Variants in GRM3 observed in about 807,000 individuals in gnomAD.
GRM3 encodes the protein glutamate metabotropic receptor 3.
A neutral mutation model predicts 70.5 loss-of-function variants in GRM3; 26 were observed. That is an observed-to-expected ratio of 0.37 (90% CI 0.27 to 0.51). The LOEUF (loss-of-function observed/expected upper bound fraction) is 0.51. GRM3 is among the 20% of genes least tolerant of loss of function. The pLI, the probability that GRM3 is intolerant of heterozygous loss-of-function variation, is 0.93. For missense variants in GRM3, 859 were observed against 1,123.8 expected, an observed-to-expected ratio of 0.76 and a Z score of 3.37; for synonymous variants, 443 against 434.9, an observed-to-expected ratio of 1.02 and a Z score of -0.23.
intron 1 of GRM3, among the ~76,000 whole-genome samples, chr7:86,738,154 A>G (rs1188147027): frequency 6.6e-6 from 1 of 152,188 alleles, no homozygotes; most frequent in East Asian, 1.9e-4. Context: ...AGGGATGGAC[A>G]GCAAACAGTG....
chr7:86,814,508 T>C (rs753778038), intron 3 of GRM3, among the ~76,000 whole-genome samples: 40 of 151,780 alleles, frequency 2.6e-4, no homozygotes, highest in Non-Finnish European at 4.9e-4. Context: ...AAAAGACTAC[T>C]AGAGGATGTG....
chr7:86,772,563 G>A (rs914310158), intron 2 of GRM3, among the ~76,000 whole-genome samples: 1 of 152,016 alleles, frequency 6.6e-6, no homozygotes, highest in Non-Finnish European at 1.5e-5. Flanking sequence ...ACTATCCAAG[G>A]CTCAACACAA....
At chr7:86,788,966 A>C (rs1797338980) in intron 3 of GRM3, among the ~76,000 whole-genome samples, 1 of 152,244 alleles carries the variant, frequency 6.6e-6, no homozygotes. Flanking sequence ...TATGGAACCA[A>C]AACATGTTCC....
At chr7:86,796,144 A>G (rs1797544411) in intron 3 of GRM3, among the ~76,000 whole-genome samples, 2 of 152,206 alleles carry the variant, frequency 1.3e-5, no homozygotes, top group African/African-American at 4.8e-5. Context: ...GCTCATGCCT[A>G]TGTCCTGAAT....
At chr7:86,736,626 G>A (rs188558475) in intron 1 of GRM3, among the ~76,000 whole-genome samples, 3 of 152,262 alleles carry the variant, frequency 2.0e-5, no homozygotes, top group Admixed American at 6.5e-5. Flanking sequence ...TCTTCCACAT[G>A]TGGTTTCCAA....
rs150620873 is a variant in GRM3, at chr7:86,846,600, G to C, written c.2392-3770G>C. Among the ~76,000 whole-genome samples, 17 of 152,286 alleles carry C rather than the reference G, an allele frequency of 1.1e-4. 2 individuals carry two copies. Among genetic ancestry groups the C allele is most frequent in the African/African-American group, 3.6e-4 (15 of 41,568 alleles). ...TCACCCCACTCTACCCTCCAGAGAA[G>C]AGTTAACAACAGCCAAGGCATCAGT... On this transcript the variant is annotated intron_variant, in intron 4 of 5. Transcript: ENST00000361669.
At chr7:86,707,145 G>C (rs993815815) in intron 1 of GRM3, among the ~76,000 whole-genome samples, 3 of 152,068 alleles carry the variant, frequency 2.0e-5, no homozygotes, top group African/African-American at 4.8e-5. Context: ...TCCACATCTT[G>C]AATTTTCCAG....
intron 1 of GRM3, among the ~76,000 whole-genome samples, chr7:86,700,658 A>G (rs986676062): frequency 9.9e-5 from 15 of 152,092 alleles, no homozygotes; most frequent in Admixed American, 9.2e-4. Context: ...TTACACAGAA[A>G]ACAATTAAGG....
intron 1 of GRM3, among the ~76,000 whole-genome samples, chr7:86,664,448 C>T (rs1232819227): frequency 6.6e-6 from 1 of 151,672 alleles, no homozygotes; most frequent in Non-Finnish European, 1.5e-5. Flanking sequence ...ATTTTGAGTG[C>T]CTACTATTAT....
intron 1 of GRM3, among the ~76,000 whole-genome samples, chr7:86,651,187 TACTTCTTTTCAC>T (rs940474323): frequency 2.6e-5 from 4 of 152,206 alleles, no homozygotes; most frequent in African/African-American, 4.8e-5. Context: ...CATGAGCTTA[TACTTCTTTTCAC>T]ACTTCTTTTC....
intron 1 of GRM3, among the ~76,000 whole-genome samples, chr7:86,684,373 T>C (rs1181324568): frequency 1.3e-5 from 2 of 152,240 alleles, no homozygotes; most frequent in Non-Finnish European, 2.9e-5. Flanking sequence ...GCACATTATT[T>C]GGCACATGGT....
chr7:86,746,341 T>TTTTTTATATATA (rs1388333232), intron 1 of GRM3, among the ~76,000 whole-genome samples: 4 of 87,444 alleles, frequency 4.6e-5, no homozygotes, highest in Admixed American at 1.2e-4. Flanking sequence ...CAGTCATGTA[T>TTTTTTATATATA]TATATATATA....
chr7:86,779,976 A>T (rs1199480494), intron 2 of GRM3, among the ~76,000 whole-genome samples: 1 of 151,620 alleles, frequency 6.6e-6, no homozygotes, highest in Non-Finnish European at 1.5e-5. Context: ...ACAAATACTA[A>T]TTTTTTTTGT....
At chr7:86,662,320 A>G (rs984759513) in intron 1 of GRM3, among the ~76,000 whole-genome samples, 3 of 151,834 alleles carry the variant, frequency 2.0e-5, no homozygotes, top group East Asian at 3.9e-4. Context: ...TGTCCTGGTC[A>G]TTTCTTTATC....
At chr7:86,654,802 T>G (rs1326939743) in intron 1 of GRM3, among the ~76,000 whole-genome samples, 1 of 152,240 alleles carries the variant, frequency 6.6e-6, no homozygotes, top group Non-Finnish European at 1.5e-5. Flanking sequence ...ATCAGAAATT[T>G]AATGAGTGCC....
At chr7:86,787,244 A>G in intron 3 of GRM3, 128 bp downstream of exon 3, 1 of 766,034 alleles carries the variant, frequency 1.3e-6, no homozygotes, top group Non-Finnish European at 2.1e-6. Flanking sequence ...ACTGTTAACC[A>G]AATATTCCAG....
rs1388333232 is a variant in GRM3, at chr7:86,746,341, T to TTTTATATATATATATATATATATA, written c.-140-18664_-140-18663insTTATATATATATATATATATATAT. ...TGACTAATAGAGGGTCAGTCATGTATTATATATATATATATATATATATAT... is the reference window on the plus strand; with the variant it reads ...TGACTAATAGAGGGTCAGTCATGTATTTTATATATATATATATATATATATATATATATATATATATATATATAT... On this transcript the variant is annotated intron_variant, in intron 1 of 5. Transcript: ENST00000361669. Among the ~76,000 whole-genome samples, 42 of 87,416 alleles carry TTTTATATATATATATATATATATA rather than the reference T, an allele frequency of 4.8e-4. 2 individuals are homozygous for TTTTATATATATATATATATATATA. Among genetic ancestry groups the TTTTATATATATATATATATATATA allele is most frequent in the East Asian group, 1.0e-3 (3 of 2,924 alleles). The allele number at this position is 87,416 out of a possible 152,430, so 57.3% of individuals were successfully genotyped here.
chr7:86,839,817 C>A lies in GRM3; in HGVS notation c.2303C>A (p.Ala768Asp). The change falls in exon 4 of 6, where the codon GCT becomes GAT. Residue 768 changes from alanine (A) to aspartate (D), a missense_variant. Physicochemically the swap from Ala to Asp is moderately radical, Grantham distance 126. Coordinates refer to ENST00000361669, the MANE Select transcript of GRM3 (RefSeq NM_000840.3). The surrounding 1 kb of genome is among the most constrained non-coding windows in gnomAD (Gnocchi z 4.5). ...AAGTGCCCAGAAAATTTCAACGAAG[C>A]TAAGTTCATAGGTTTTACCATGTAC... Reference protein sequence around the residue: ...TRKCPENFNEAKFIGFTMYTT... With the variant: ...TRKCPENFNEDKFIGFTMYTT... 6.2e-7 allele frequency: 1 copy of A among 1,614,110 alleles called. No individual in the cohort carries two copies. The highest frequency in any genetic ancestry group is 8.5e-7 in the Non-Finnish European group (1 of 1,179,962).
chr7:86,737,334 T>G (rs1241530710), intron 1 of GRM3, among the ~76,000 whole-genome samples: 1 of 152,196 alleles, frequency 6.6e-6, no homozygotes, highest in African/African-American at 2.4e-5. Context: ...AGTGAGGAAA[T>G]AGGCTTAATA....
Sources: allele counts gnomAD v4.1 joint callset (sites outside exome capture counted in the v4.1 genomes callset), GRCh38; gene constraint gnomAD v4.1.1; non-coding constraint Gnocchi (gnomAD v3.1); transcripts MANE v1.5; gene names NCBI Gene and HGNC (gene_info 2026-07-23, HGNC 2026-07-21).